The following MRPL37 variants were observed in gnomAD, a reference collection of about 807,000 sequenced individuals.
The protein encoded by MRPL37 is mitochondrial ribosomal protein L37, also known as large ribosomal subunit protein mL37.
Under a neutral mutation model 44.1 loss-of-function variants are expected in MRPL37, and 34 were observed. The observed-to-expected ratio is 0.77, with a 90% CI of 0.59 to 1.03. The LOEUF (loss-of-function observed/expected upper bound fraction) is 1.03. Ranked by LOEUF, MRPL37 falls within the 50% of genes least tolerant of loss-of-function variation. MRPL37 has a pLI of 0.00. For synonymous variants in MRPL37, 212 were observed against 219.5 expected (o/e 0.97, Z 0.30); for missense variants, 532 against 543.7 (o/e 0.98, Z 0.21).
chr1:54,217,386 CTG>C (rs2100516869), intron 6 of MRPL37, among the ~76,000 whole-genome samples: 1 of 152,308 alleles, frequency 6.6e-6, no homozygotes, highest in East Asian at 1.9e-4. Flanking sequence ...CCTCCTGACT[CTG>C]TGTCTTCAGG....
At chr1:54,218,899 A>G (rs35815469), downstream of MRPL37, among the ~76,000 whole-genome samples, 639 of 152,378 alleles carry the variant, frequency 4.2e-3, 4 homozygotes, top group African/African-American at 0.015. Flanking sequence ...AAAATATTGC[A>G]TGCCTAGCAT....
Position 54,203,477 on chromosome 1 carries a change from T to TTC in MRPL37, c.347-1540_347-1539insCT, listed in dbSNP as rs1240735898. Among the ~76,000 whole-genome samples the TTC allele has an allele frequency of 6.5e-3, 944 of 144,872 alleles. 12 individuals carry two copies. The highest frequency in any genetic ancestry group is 0.023 in the African/African-American group (892 of 39,044). On this transcript the variant is annotated intron_variant, in intron 1 of 6. Coordinates refer to ENST00000360840, the MANE Select transcript of MRPL37 (RefSeq NM_016491.4). ...GTTCTACTTCATTTACTTTTTTTTT[T>TTC]TTTTTTTTTTTTTTGAGGTGGAGTC...
In MRPL37 at chr1:54,210,002, C is replaced by G. The variant is rs749509782; in HGVS notation, c.703C>G (p.Pro235Ala). ...TGGAGCCCGACTGAGCACTAAGGAT[C>G]CTCTGCCCACCATCGCCTCCAGAGA... The part of the protein sequence containing the change: ...SGGARLSTKD[P>A]LPTIASREEI... The change falls in exon 4 of 7, where the codon CCT becomes GCT. Residue 235 changes from proline (P) to alanine (A), a missense_variant. Coordinates refer to ENST00000360840, the MANE Select transcript of MRPL37 (RefSeq NM_016491.4). 2.5e-6 allele frequency: 4 copies of G among 1,614,082 alleles called. No individual in the cohort carries two copies. Among genetic ancestry groups the G allele is most frequent in the Non-Finnish European group, 3.4e-6 (4 of 1,180,046 alleles).
chr1:54,223,552 C>CAG (rs1644250833), downstream of MRPL37, among the ~76,000 whole-genome samples: 2 of 152,188 alleles, frequency 1.3e-5, no homozygotes, highest in Admixed American at 6.5e-5. Flanking sequence ...CAGCGACTTG[C>CAG]CTTAAGTTTC....
chr1:54,209,862 G>A, intron 3 of MRPL37, 84 bp from the exon 4 acceptor site: 2 of 1,420,170 alleles, frequency 1.4e-6, no homozygotes, highest in South Asian at 1.3e-5. Context: ...CTCCCAAAGT[G>A]CTGGGATTAT....
At chr1:54,206,727 C>CTTTCT (rs1054890445) in intron 3 of MRPL37, among the ~76,000 whole-genome samples, 2 of 151,344 alleles carry the variant, frequency 1.3e-5, no homozygotes, top group Non-Finnish European at 2.9e-5. Context: ...CTCTTTTCTG[C>CTTTCT]TTTCTTTTCT....
At chr1:54,207,079 T>G (rs2100505280) in intron 3 of MRPL37, among the ~76,000 whole-genome samples, 1 of 152,310 alleles carries the variant, frequency 6.6e-6, no homozygotes, top group African/African-American at 2.4e-5. Flanking sequence ...AACCAAATTC[T>G]CCTTATCTGC....
chr1:54,225,321 A>G (rs1644269940), downstream of MRPL37: 1 of 1,234,076 alleles, frequency 8.1e-7, no homozygotes, highest in African/African-American at 1.6e-5. Flanking sequence ...CTCAAACACA[A>G]AACATCTTGT....
chr1:54,220,866 A>G (rs1457069269), downstream of MRPL37: 1 of 459,792 alleles, frequency 2.2e-6, no homozygotes, highest in Admixed American at 2.4e-5. Flanking sequence ...AAATGGTGAC[A>G]TTCCCATTGT....
At chr1:54,214,865 C>T (rs934900689) in intron 5 of MRPL37, among the ~76,000 whole-genome samples, 2 of 152,202 alleles carry the variant, frequency 1.3e-5, no homozygotes, top group African/African-American at 4.8e-5. Context: ...ACAGAATTCT[C>T]GGCTAACACT....
At chr1:54,210,545 G>GA (rs1413077525) in intron 4 of MRPL37, among the ~76,000 whole-genome samples, 1 of 151,978 alleles carries the variant, frequency 6.6e-6, no homozygotes, top group Admixed American at 6.6e-5. Flanking sequence ...CCCCCTTTAG[G>GA]AACTGAGGAA....
intron 1 of MRPL37, among the ~76,000 whole-genome samples, chr1:54,201,267 G>A (rs1644080202): frequency 6.6e-6 from 1 of 152,158 alleles, no homozygotes; most frequent in Non-Finnish European, 1.5e-5. Flanking sequence ...TCCAAGGAGT[G>A]ATTAGGGGGG....
At chr1:54,225,129 A>C (rs1271165706), downstream of MRPL37, 6 of 1,234,230 alleles carry the variant, frequency 4.9e-6, no homozygotes, top group Non-Finnish European at 1.0e-6. Flanking sequence ...TTCCAGAAAA[A>C]TAAAAGACAT....
chr1:54,223,483 T>A (rs147732456), downstream of MRPL37, among the ~76,000 whole-genome samples: 96 of 152,316 alleles, frequency 6.3e-4, no homozygotes, highest in African/African-American at 2.2e-3. Flanking sequence ...GCAGCCTTCT[T>A]ACCCCCGCTA....
intron 3 of MRPL37, among the ~76,000 whole-genome samples, chr1:54,207,744 A>G (rs943472671): frequency 3.9e-5 from 6 of 152,204 alleles, no homozygotes; most frequent in Non-Finnish European, 7.3e-5. Flanking sequence ...AACAGGAAAT[A>G]CTTTAGAAAA....
chr1:54,205,879 CTAG>C (rs890472355), intron 3 of MRPL37, among the ~76,000 whole-genome samples: 1 of 152,088 alleles, frequency 6.6e-6, no homozygotes, highest in Non-Finnish European at 1.5e-5. Flanking sequence ...TCACTGTCTC[CTAG>C]TAGTGTAAAC....
chr1:54,211,302 T>C (rs560282415), intron 4 of MRPL37, among the ~76,000 whole-genome samples: 2 of 152,234 alleles, frequency 1.3e-5, no homozygotes, highest in South Asian at 2.1e-4. Context: ...CCCTCTAAAC[T>C]GTGAGCTCCT....
At chr1:54,225,456 T>A, downstream of MRPL37, 1 of 1,213,768 alleles carries the variant, frequency 8.2e-7, no homozygotes, top group African/African-American at 1.6e-5. Context: ...GTCCCTTTAA[T>A]AAAACGTTAT....
At position 54,205,036 on chromosome 1, in the gene MRPL37, G is replaced by A. The variant is rs745538389; in HGVS notation, c.365G>A (p.Trp122Ter). The A allele has an allele frequency of 6.2e-7, 1 of 1,614,008 alleles. No homozygotes were observed. The highest frequency in any genetic ancestry group is 1.1e-5 in the South Asian group (1 of 91,074). ...CTCAAAGGTGTAAAGCAGGCCCTCT[G>A]GCTCACCAAGACCAAGTTAATAGAA... ...RLLEGVKQAL[W>*]LTKTKLIEGL... The change falls in exon 2 of 7, where the codon TGG (tryptophan) becomes TAG (stop). Residue 122 changes from tryptophan (W) to a stop codon, truncating the protein, a stop_gained. Transcript: ENST00000360840. LOFTEE classifies it high-confidence loss of function.
Sources: allele counts gnomAD v4.1 joint callset (sites outside exome capture counted in the v4.1 genomes callset), GRCh38; gene constraint gnomAD v4.1.1; transcripts MANE v1.5; gene names NCBI Gene and HGNC (gene_info 2026-07-23, HGNC 2026-07-21).